Variants in VTA1 observed in about 807,000 individuals in gnomAD.
The protein encoded by VTA1 is vacuolar protein sorting-associated protein VTA1 homolog.
A neutral mutation model predicts 36.9 loss-of-function variants in VTA1; 24 were observed. That is an observed-to-expected ratio of 0.65 (90% confidence interval 0.47 to 0.91). VTA1 has a LOEUF of 0.91. Ranked by LOEUF, VTA1 falls within the 40% of genes least tolerant of loss-of-function variation. VTA1 has a pLI of 0.00. For synonymous variants in VTA1, 142 were observed against 130.2 expected, an observed-to-expected ratio of 1.09 and a Z score of -0.62; for missense variants, 393 against 377.2, an observed-to-expected ratio of 1.04 and a Z score of -0.35.
intron 5 of VTA1, among the ~76,000 whole-genome samples, chr6:142,195,844 G>A (rs1205035805): frequency 1.3e-5 from 2 of 151,842 alleles, no homozygotes; most frequent in Non-Finnish European, 2.9e-5. Flanking sequence ...GGTGTTTGTA[G>A]ATATCTTACT....
Position 142,147,315 on chromosome 6 carries a change from C to G in VTA1, c.28C>G (p.Leu10Val), listed in dbSNP as rs1582870608. ...GGCCGCGCTTGCACCGCTGCCCCCG[C>G]TCCCCGCACAGTTCAAGAGCATACA... MAALAPLPPLPAQFKSIQHH... is the reference protein window; with the variant it reads MAALAPLPPVPAQFKSIQHH... Residue 10 changes from leucine (L) to valine (V), a missense_variant, in exon 1 of 8, where the codon CTC becomes GTC. Transcript: ENST00000367630. 4 of 1,614,114 alleles carry G rather than the reference C, an allele frequency of 2.5e-6. No individual in the cohort carries two copies. The highest frequency in any genetic ancestry group is 3.4e-6 in the Non-Finnish European group (4 of 1,180,048).
At chr6:142,211,215 G>A (rs1240012420) in intron 7 of VTA1, among the ~76,000 whole-genome samples, 3 of 152,084 alleles carry the variant, frequency 2.0e-5, no homozygotes, top group South Asian at 2.1e-4. Context: ...AAGAATATAC[G>A]TGTTTTTATT....
intron 4 of VTA1, among the ~76,000 whole-genome samples, chr6:142,170,799 A>G (rs1260163335): frequency 1.3e-5 from 2 of 151,728 alleles, no homozygotes; most frequent in Non-Finnish European, 2.9e-5. Flanking sequence ...ATAGCTGGCT[A>G]ATTTTGTATT....
intron 4 of VTA1, among the ~76,000 whole-genome samples, chr6:142,184,412 T>C (rs988452209): frequency 2.0e-5 from 3 of 152,206 alleles, no homozygotes; most frequent in Non-Finnish European, 2.9e-5. Context: ...GGACTTCAGA[T>C]AAGACACGTG....
chr6:142,170,503 T>A, intron 4 of VTA1, 82 bp downstream of exon 4: 1 of 923,456 alleles, frequency 1.1e-6, no homozygotes. Context: ...CATTGTTTAT[T>A]TACAGCAGAA....
intron 1 of VTA1, among the ~76,000 whole-genome samples, chr6:142,148,958 C>A (rs982345970): frequency 2.6e-5 from 4 of 152,162 alleles, no homozygotes; most frequent in Non-Finnish European, 5.9e-5. Context: ...AATCTCTCAT[C>A]CCTAAAGGAA....
Position 142,166,288 on chromosome 6 carries a change from A to G in VTA1, c.173A>G (p.Lys58Arg). The change falls in exon 2 of 8, where the codon AAA becomes AGA. Residue 58 changes from lysine (K) to arginine (R), a missense_variant. Transcript: ENST00000367630. ...KIDSKTPECR[K>R]FLSKLMDQLE... ...GATAGTAAAACTCCTGAATGTCGCA[A>G]ATTTTTATCAAAGTTAATGGATCAG... 1 of 1,612,510 alleles carries G rather than the reference A, an allele frequency of 6.2e-7. No individual in the cohort carries two copies.
rs867010002 is a variant in VTA1 at position 142,218,297 on chromosome 6, G to A, written c.779-201G>A. Among the ~76,000 whole-genome samples the A allele has an allele frequency of 2.6e-5, 4 of 152,126 alleles. No homozygotes were observed. The South Asian group carries it at 6.2e-4, about 24-fold the overall frequency. On this transcript the variant is annotated intron_variant, in intron 7 of 7. Transcript: ENST00000367630. ...TTCATCTAAGTTATTATGTATTGCC[G>A]TGTCTGTGGTTTATATTAGTAATAA... is the stretch of plus-strand genomic sequence containing the variant.
intron 6 of VTA1, among the ~76,000 whole-genome samples, chr6:142,201,917 A>C (rs1035062841): frequency 1.3e-4 from 20 of 152,044 alleles, no homozygotes; most frequent in African/African-American, 4.8e-4. Context: ...CACTTTCTGG[A>C]TAGTCTTCTC....
At position 142,221,515 on chromosome 6, in the gene VTA1, C is replaced by G. The variant is rs765647967; in HGVS notation, c.*2872C>G. On this transcript the variant is annotated 3_prime_UTR_variant, in exon 8 of 8. Transcript: ENST00000367630. ...TAAAGCTTTTTTGTAAGACACTTGA[C>G]TGGGAGCTATATGGAAAGGTTTTCA... 6.6e-6 allele frequency: 1 copy of G among 152,014 alleles called. No homozygotes were observed. Among genetic ancestry groups the G allele is most frequent in the Non-Finnish European group, 1.5e-5 (1 of 68,030 alleles). 9.4% of individuals were successfully genotyped at this position (152,014 alleles called of 1,614,324 possible).
intron 5 of VTA1, among the ~76,000 whole-genome samples, chr6:142,196,266 T>G (rs1025966737): frequency 2.0e-5 from 3 of 152,218 alleles, no homozygotes; most frequent in African/African-American, 2.4e-5. Flanking sequence ...TTAATCCTTA[T>G]GAAATGGTCC....
intron 4 of VTA1, among the ~76,000 whole-genome samples, chr6:142,174,803 C>T (rs1775088811): frequency 6.6e-6 from 1 of 152,044 alleles, no homozygotes; most frequent in Non-Finnish European, 1.5e-5. Flanking sequence ...TGTTATTTCA[C>T]GTGAGAAGTG....
chr6:142,201,809 C>T (rs1168833484), intron 6 of VTA1, among the ~76,000 whole-genome samples: 1 of 151,948 alleles, frequency 6.6e-6, no homozygotes, highest in African/African-American at 2.4e-5. Flanking sequence ...CTCATTCTTT[C>T]CTTATACTGT....
intron 4 of VTA1, among the ~76,000 whole-genome samples, chr6:142,187,954 G>A (rs1285029706): frequency 7.0e-6 from 1 of 143,328 alleles, no homozygotes; most frequent in Non-Finnish European, 1.5e-5. Flanking sequence ...TCCGGAGCTG[G>A]GCTGGTGCAG....
At chr6:142,206,783 C>T (rs1028724707) in intron 7 of VTA1, among the ~76,000 whole-genome samples, 1 of 151,998 alleles carries the variant, frequency 6.6e-6, no homozygotes, top group South Asian at 2.1e-4. Context: ...AAAATAGACC[C>T]ATACAGAAAA....
chr6:142,147,543 G>C (rs563456778), intron 1 of VTA1, 144 bp downstream of exon 1: 1 of 777,072 alleles, frequency 1.3e-6, no homozygotes, highest in African/African-American at 1.7e-5. Flanking sequence ...GAACTCCCTG[G>C]GTTCCCACCC....
intron 4 of VTA1, among the ~76,000 whole-genome samples, chr6:142,184,210 T>C (rs1225045222): frequency 1.3e-5 from 2 of 152,246 alleles, no homozygotes; most frequent in Non-Finnish European, 2.9e-5. Flanking sequence ...TTCTGTTATT[T>C]CATCTATTTT....
chr6:142,199,179 AAGAG>A (rs1775629759), intron 6 of VTA1, among the ~76,000 whole-genome samples: 1 of 152,084 alleles, frequency 6.6e-6, no homozygotes, highest in Admixed American at 6.5e-5. Context: ...ACTAACAGGA[AAGAG>A]AGACCTATCT....
intron 7 of VTA1, among the ~76,000 whole-genome samples, chr6:142,211,786 G>A (rs1775910631): frequency 1.3e-5 from 2 of 151,320 alleles, no homozygotes; most frequent in African/African-American, 2.4e-5. Context: ...TCTGATTAAG[G>A]ACTGTTAACA....
Sources: allele counts gnomAD v4.1 joint callset (sites outside exome capture counted in the v4.1 genomes callset), GRCh38; gene constraint gnomAD v4.1.1; transcripts MANE v1.5; gene names NCBI Gene and HGNC (gene_info 2026-07-23, HGNC 2026-07-21).